The following SLC26A6 variants were observed in gnomAD, a reference collection of about 807,000 sequenced individuals.
SLC26A6 encodes solute carrier family 26 member 6, also known as anion exchange transporter.
A neutral mutation model predicts 87.1 loss-of-function variants in SLC26A6; 67 were observed. That is an observed-to-expected ratio of 0.77 (90% CI 0.63 to 0.94). The LOEUF (loss-of-function observed/expected upper bound fraction) is 0.94. Ranked by LOEUF, SLC26A6 falls within the 40% of genes least tolerant of loss-of-function variation. The pLI is 0.00. For missense variants in SLC26A6, 902 were observed against 973.0 expected (o/e 0.93, Z 0.97); for synonymous variants, 414 against 405.9 (o/e 1.02, Z -0.24).
At chr3:48,633,141 G>T in intron 3 of SLC26A6, 57 bp from the exon 4 acceptor site, 1 of 1,585,142 alleles carries the variant, frequency 6.3e-7, no homozygotes, top group Non-Finnish European at 8.6e-7. Flanking sequence ...AACGATAAGG[G>T]AATCCCAGCC....
Position 48,629,892 on chromosome 3 carries a change from G to C in SLC26A6, c.1509C>G (p.Leu503=), listed in dbSNP as rs189164775. Residue 503 remains leucine, a synonymous_variant, in exon 13 of 21, where the codon CTC becomes CTG. Transcript: ENST00000395550. The stretch of plus-strand genomic sequence containing the variant: ...CTCACATCTGTGTCCGGACCACCAC[G>C]AGCAGCAGGGAGAAGATGACCGCAA... The part of the protein sequence containing the change: ...LVVAVIFSLL[L]VVVRTQMPHY... 3.1e-6 allele frequency: 5 copies of C among 1,613,978 alleles called. No individual in the cohort carries two copies. The East Asian group carries it at 1.1e-4, about 36-fold the overall frequency.
At chr3:48,629,227 G>GC (rs11459984) in intron 14 of SLC26A6, among the ~76,000 whole-genome samples, 9,077 of 152,070 alleles carry the variant, frequency 0.06, 785 homozygotes, top group African/African-American at 0.19. Context: ...TTATTCCAGA[G>GC]CCCCCCACCT....
At chr3:48,631,170 A>G (rs2046780451) in intron 8 of SLC26A6, 30 bp from the exon 9 acceptor site, 4 of 1,613,368 alleles carry the variant, frequency 2.5e-6, no homozygotes, top group Non-Finnish European at 3.4e-6. Flanking sequence ...GGCCAAAGCA[A>G]GGTCCTGTCC....
rs2046779149 is a variant in SLC26A6, at chr3:48,631,139, G to A, written c.988C>T (p.Leu330=). 8 of 1,613,718 alleles carry A rather than the reference G, an allele frequency of 5.0e-6. No individual in the cohort carries two copies. Among genetic ancestry groups the A allele is most frequent in the Non-Finnish European group, 6.8e-6 (8 of 1,180,008 alleles). ...VDVVGNIPAG[L]VPPVAPNTQL... ...GTGTTGGGGGCCACTGGGGGCACCA[G>A]CCTGTGAGAGGTATCTGTGAGGCCA... Residue 330 remains leucine, a splice_region_variant and synonymous_variant, in exon 9 of 21, where the codon CTG becomes TTG. Transcript: ENST00000395550.
In SLC26A6 at chr3:48,628,397, G is replaced by T; in HGVS notation, c.1800+37C>A. ...GAAAGGCTGGGGCAGGGAACAGGGG[G>T]CAGGAGATGGGGGTCACCAGACAAA... On this transcript the variant is annotated intron_variant, in intron 16 of 20. Coordinates refer to ENST00000395550, the MANE Select transcript of SLC26A6 (RefSeq NM_022911.3). This position sits in a 1 kb window ranked among gnomAD's most constrained non-coding sequence, Gnocchi z 4.4. 5 of 1,609,404 alleles carry T rather than the reference G, an allele frequency of 3.1e-6. No homozygotes were observed. Among genetic ancestry groups the T allele is most frequent in the Non-Finnish European group, 4.2e-6 (5 of 1,177,544 alleles).
chr3:48,630,988 C>T lies in SLC26A6; in HGVS notation c.1134+5G>A, dbSNP rs748020205. 1.2e-6 allele frequency: 2 copies of T among 1,613,722 alleles called. No homozygotes were observed. Among genetic ancestry groups the T allele is most frequent in the South Asian group, 1.1e-5 (1 of 91,084 alleles). ...TGCCTCCTACACATCCCGCATCACC[C>T]AGACCTGGTTGCTGTCCACCCGGTA... is the stretch of plus-strand genomic sequence containing the variant. On this transcript the variant is annotated splice_donor_5th_base_variant and intron_variant, in intron 9 of 20. Coordinates refer to ENST00000395550, the MANE Select transcript of SLC26A6 (RefSeq NM_022911.3).
Position 48,630,062 on chromosome 3 carries a change from C to T in SLC26A6, c.1422G>A (p.Leu474=). The change falls in exon 12 of 21, where the codon CTG becomes CTA. Residue 474 remains leucine (L), a splice_region_variant and synonymous_variant. Coordinates refer to ENST00000395550, the MANE Select transcript of SLC26A6 (RefSeq NM_022911.3). ...TGCCCTGGGCTCCCAGTGCACTCAC[C>T]AGATCCGCCCGATTGGCCTTCCAGA... ...RSLWKANRAD[L]LIWLVTFTAT... 1.9e-6 allele frequency: 3 copies of T among 1,612,692 alleles called. No individual in the cohort carries two copies. The highest frequency in any genetic ancestry group is 2.5e-6 in the Non-Finnish European group (3 of 1,178,974).
At chr3:48,630,320 C>T in intron 11 of SLC26A6, 118 bp downstream of exon 11, 2 of 1,335,604 alleles carry the variant, frequency 1.5e-6, no homozygotes, top group Non-Finnish European at 2.1e-6. Context: ...CCTTGAAGAT[C>T]TCAGCCTTGA....
At chr3:48,632,903 G>T in intron 4 of SLC26A6, 71 bp downstream of exon 4, 1 of 1,450,414 alleles carries the variant, frequency 6.9e-7, no homozygotes, top group Non-Finnish European at 9.6e-7. Context: ...GCCCTGCTCA[G>T]TGCCCCCTCA....
Position 48,628,022 on chromosome 3 carries a change from C to T in SLC26A6, c.1817G>A (p.Gly606Asp). The T allele has an allele frequency of 6.3e-7, 1 of 1,580,926 alleles. No individual in the cohort carries two copies. Among genetic ancestry groups the T allele is most frequent in the South Asian group, 1.2e-5 (1 of 85,350 alleles). Residue 606 changes from glycine to aspartate, a missense_variant, in exon 17 of 21, where the codon GGC becomes GAC. Around this residue, in one of 3 missense-constraint regions of SLC26A6, gnomAD observed 800 missense variants for 856.8 expected, o/e 0.93. Coordinates refer to ENST00000395550, the MANE Select transcript of SLC26A6 (RefSeq NM_022911.3). The surrounding 1 kb of genome is among the most constrained non-coding windows in gnomAD (Gnocchi z 4.4). ...KLRKQAASPK[G>D]ASVSINVNTS... is the part of the protein sequence containing the mutation. Reference sequence around the variant, plus strand: ...GTTGACATTAATGGAAACTGAGGCGCCCTTGGGGGAGGCAGCCTACACCAG... The same window carrying T: ...GTTGACATTAATGGAAACTGAGGCGTCCTTGGGGGAGGCAGCCTACACCAG...
chr3:48,628,281 T>C lies in SLC26A6; in HGVS notation c.1800+153A>G. On this transcript the variant is annotated intron_variant, in intron 16 of 20. Coordinates refer to ENST00000395550, the MANE Select transcript of SLC26A6 (RefSeq NM_022911.3). The surrounding 1 kb of genome is among the most constrained non-coding windows in gnomAD (Gnocchi z 4.4). ...GAAAATGCTGCCTAGAGCCCGGACC[T>C]GCTAGGGGAGTGAAGCAGGGTCCCT... The C allele has an allele frequency of 1.9e-6, 2 of 1,038,422 alleles. No homozygotes were observed. The highest frequency in any genetic ancestry group is 2.8e-6 in the Non-Finnish European group (2 of 711,820). 64.3% of individuals were successfully genotyped at this position (1,038,422 alleles called of 1,614,324 possible).
In SLC26A6 at chr3:48,625,861, C is replaced by T; in HGVS notation, c.*125G>A. 7.8e-7 allele frequency: 1 copy of T among 1,286,122 alleles called. No individual in the cohort carries two copies. Among genetic ancestry groups the T allele is most frequent in the South Asian group, 1.3e-5 (1 of 76,648 alleles). The allele number at this position is 1,286,122 out of a possible 1,614,324, so 79.7% of individuals were successfully genotyped here. On this transcript the variant is annotated 3_prime_UTR_variant, in exon 21 of 21. Coordinates refer to ENST00000395550, the MANE Select transcript of SLC26A6 (RefSeq NM_022911.3). This position sits in a 1 kb window ranked among gnomAD's most constrained non-coding sequence, Gnocchi z 4.7. ...ACTTGGAGTCCCAGGACCTCCTTCC[C>T]TGAGTTGTGTGTGTGTACATGGAGG...
chr3:48,629,776 G>T (rs1342374425), intron 13 of SLC26A6, 65 bp from the exon 14 acceptor site: 58 of 1,609,908 alleles, frequency 3.6e-5, no homozygotes, highest in Non-Finnish European at 4.6e-5. Context: ...GGGGTCCGAA[G>T]GAGCCTGAAG....
chr3:48,626,740 G>A (rs1038795349), intron 18 of SLC26A6, 55 bp from the exon 19 acceptor site: 13 of 1,611,580 alleles, frequency 8.1e-6, no homozygotes, highest in Middle Eastern at 1.6e-4. Flanking sequence ...TCAGAGGGGG[G>A]CTCGGGCAGG....
At chr3:48,633,769 C>T in intron 1 of SLC26A6, 134 bp from the exon 2 acceptor site, 1 of 1,485,324 alleles carries the variant, frequency 6.7e-7, no homozygotes, top group Non-Finnish European at 8.9e-7. Flanking sequence ...TTCCAGCCCC[C>T]AGCTGGCATC....
chr3:48,631,560 T>A, intron 7 of SLC26A6, 89 bp downstream of exon 7: 1 of 1,510,768 alleles, frequency 6.6e-7, no homozygotes, highest in Non-Finnish European at 8.9e-7. Context: ...CCCCTCCAGC[T>A]GGCCCTCAAA....
chr3:48,626,492 C>T, intron 19 of SLC26A6, 138 bp from the exon 20 acceptor site: 1 of 1,532,624 alleles, frequency 6.5e-7, no homozygotes. Context: ...CACTTGTAAC[C>T]CTGGACTCCT....
At position 48,631,586 on chromosome 3, in the gene SLC26A6, AC is replaced by A. The variant is rs2046792990; in HGVS notation, c.903+62del. 3.4e-5 allele frequency: 53 copies of A among 1,570,706 alleles called. No individual in the cohort carries two copies. In the South Asian group the frequency reaches 6.2e-4, roughly 18 times the overall value. ...GGCCCTCAAATACAGGAGGCTGCCC[AC>A]GTGGCAAGGACCCAGCCTGACCTGC... On this transcript the variant is annotated intron_variant, in intron 7 of 20. Transcript: ENST00000395550.
chr3:48,633,437 G>C (rs1237415502), intron 2 of SLC26A6, 40 bp downstream of exon 2: 2 of 1,612,210 alleles, frequency 1.2e-6, no homozygotes, highest in Non-Finnish European at 1.7e-6. Flanking sequence ...GGGGCTACCT[G>C]GGCCCCGCCA....
Sources: gnomAD v4.1 joint callset for allele counts (sites outside exome capture counted in the v4.1 genomes callset) on GRCh38, gnomAD v4.1.1 for gene constraint, gnomAD v4.1.1 regional missense constraint, Gnocchi (gnomAD v3.1) non-coding constraint, MANE v1.5 for transcripts, NCBI Gene and HGNC (gene_info 2026-07-23, HGNC 2026-07-21) for gene names.